CMTM8: variants seen among roughly 807,000 people sequenced by gnomAD.
CMTM8 encodes CKLF like MARVEL transmembrane domain containing 8.
A neutral mutation model predicts 18.6 loss-of-function variants in CMTM8; 12 were observed. The ratio of observed to expected loss-of-function variants is 0.65; its 90% CI spans 0.41 to 1.05. CMTM8 has a LOEUF of 1.05. Ranked by LOEUF, CMTM8 falls within the 50% of genes least tolerant of loss-of-function variation. The probability of loss-of-function intolerance (pLI) is 0.00; values close to 1 mark genes in which losing one functional copy is unlikely to be tolerated. For synonymous variants in CMTM8, 87 were observed against 90.6 expected (o/e 0.96, Z 0.23); for missense variants, 217 against 227.2 (o/e 0.95, Z 0.29).
chr3:32,288,508 A>ATT (rs111768575), intron 1 of CMTM8, among the ~76,000 whole-genome samples: 101,040 of 149,526 alleles, frequency 0.68, 34,392 homozygotes, highest in Middle Eastern at 0.83. Context: ...TACAGCTATC[A>ATT]TTTTTTTTTT....
In CMTM8 at chr3:32,329,841, C is replaced by T. The variant is rs146075127; in HGVS notation, c.148-27532C>T. ...TGTTAACCAATGACATGACCTAGTACGTAGGAAACACTAAAGATTCTACCA... is the reference window on the plus strand; with the variant it reads ...TGTTAACCAATGACATGACCTAGTATGTAGGAAACACTAAAGATTCTACCA... On this transcript the variant is annotated intron_variant, in intron 1 of 3. Coordinates refer to ENST00000307526, the MANE Select transcript of CMTM8 (RefSeq NM_178868.5). 4.7e-4 allele frequency among the ~76,000 whole-genome samples: 72 copies of T among 152,106 alleles called. No individual in the cohort carries two copies. In the East Asian group the frequency reaches 0.013, roughly 27 times the overall value.
chr3:32,240,106 T>G (rs1206720067), intron 1 of CMTM8, among the ~76,000 whole-genome samples: 1 of 152,196 alleles, frequency 6.6e-6, no homozygotes, highest in Non-Finnish European at 1.5e-5. Context: ...AAAATGAGCC[T>G]ATGTGGGAGT....
At chr3:32,336,149 G>A (rs1465749814) in intron 1 of CMTM8, among the ~76,000 whole-genome samples, 1 of 152,210 alleles carries the variant, frequency 6.6e-6, no homozygotes, top group African/African-American at 2.4e-5. Flanking sequence ...AAGAGTAGCT[G>A]TGTGACTTTT....
chr3:32,345,794 A>T (rs1696584919), intron 1 of CMTM8, among the ~76,000 whole-genome samples: 1 of 152,262 alleles, frequency 6.6e-6, no homozygotes, highest in East Asian at 1.9e-4. Context: ...TTCAGGAAAA[A>T]GAAACAGGTG....
At chr3:32,241,616 G>A (rs61068738) in intron 1 of CMTM8, among the ~76,000 whole-genome samples, 18,973 of 152,156 alleles carry the variant, frequency 0.12, 1,389 homozygotes, top group African/African-American at 0.18. Context: ...TAGCTATGAT[G>A]TTTGGTAGGC....
chr3:32,246,781 T>C (rs1283208433), intron 1 of CMTM8, among the ~76,000 whole-genome samples: 1 of 152,212 alleles, frequency 6.6e-6, no homozygotes, highest in Non-Finnish European at 1.5e-5. Context: ...TTAGAATTGA[T>C]AAGAGGGTAT....
chr3:32,272,650 G>A (rs1400335810), intron 1 of CMTM8, among the ~76,000 whole-genome samples: 1 of 152,040 alleles, frequency 6.6e-6, no homozygotes, highest in East Asian at 1.9e-4. Context: ...GATCTACTGT[G>A]TTCTTTATGG....
chr3:32,333,151 T>C (rs1449050852), intron 1 of CMTM8, among the ~76,000 whole-genome samples: 1 of 152,192 alleles, frequency 6.6e-6, no homozygotes, highest in East Asian at 1.9e-4. Flanking sequence ...CATATGCAAA[T>C]GAGTGAGCAT....
intron 1 of CMTM8, among the ~76,000 whole-genome samples, chr3:32,270,668 A>C (rs1286889750): frequency 6.6e-6 from 1 of 152,136 alleles, no homozygotes; most frequent in East Asian, 1.9e-4. Flanking sequence ...GGAATTGAAC[A>C]GTGAGAACAC....
intron 1 of CMTM8, among the ~76,000 whole-genome samples, chr3:32,299,432 A>C (rs1320375560): frequency 6.6e-6 from 1 of 152,200 alleles, no homozygotes; most frequent in Non-Finnish European, 1.5e-5. Context: ...GGAGTCATTG[A>C]TTCAAGAGGA....
At chr3:32,363,756 A>C (rs567813335) in intron 2 of CMTM8, among the ~76,000 whole-genome samples, 6 of 152,156 alleles carry the variant, frequency 3.9e-5, no homozygotes, top group Admixed American at 3.3e-4. Flanking sequence ...TGAAACCTAC[A>C]TGGAGATTCC....
At chr3:32,240,265 G>T (rs1284557896) in intron 1 of CMTM8, among the ~76,000 whole-genome samples, 1 of 152,160 alleles carries the variant, frequency 6.6e-6, no homozygotes, top group African/African-American at 2.4e-5. Flanking sequence ...TGAAGCCCCT[G>T]GTGGTCATAA....
At chr3:32,249,738 T>C (rs1702089330) in intron 1 of CMTM8, among the ~76,000 whole-genome samples, 1 of 152,348 alleles carries the variant, frequency 6.6e-6, no homozygotes, top group Middle Eastern at 3.4e-3. Context: ...AATTTGTCTT[T>C]TATTGTTGAG....
chr3:32,273,142 T>TGTGTGTGTGTGTGTGTGTGG (rs1379214645), intron 1 of CMTM8, among the ~76,000 whole-genome samples: 1 of 151,466 alleles, frequency 6.6e-6, no homozygotes, highest in Non-Finnish European at 1.5e-5. Context: ...TGTGTGTGTG[T>TGTGTGTGTGTGTGTGTGTGG]GTGTGTGTGT....
At chr3:32,281,630 T>C (rs1702612198) in intron 1 of CMTM8, among the ~76,000 whole-genome samples, 1 of 152,162 alleles carries the variant, frequency 6.6e-6, no homozygotes, top group Non-Finnish European at 1.5e-5. Flanking sequence ...ACTTCTTGAA[T>C]GAGTTGTCTT....
At chr3:32,261,195 A>C (rs375359627) in intron 1 of CMTM8, among the ~76,000 whole-genome samples, 7 of 152,126 alleles carry the variant, frequency 4.6e-5, no homozygotes, top group African/African-American at 1.7e-4. Flanking sequence ...AATAAAAACT[A>C]AGAAAACAAA....
At chr3:32,263,349 T>C (rs1194395087) in intron 1 of CMTM8, among the ~76,000 whole-genome samples, 4 of 152,056 alleles carry the variant, frequency 2.6e-5, no homozygotes, top group Non-Finnish European at 5.9e-5. Flanking sequence ...CGGTCTGGAG[T>C]GGACCTCCGG....
intron 2 of CMTM8, among the ~76,000 whole-genome samples, chr3:32,359,889 A>G (rs1028202726): frequency 1.3e-5 from 2 of 152,112 alleles, no homozygotes; most frequent in African/African-American, 4.8e-5. Context: ...GAGTCTTGTG[A>G]CTTTGCACAG....
chr3:32,269,306 A>C (rs1054757678), intron 1 of CMTM8, among the ~76,000 whole-genome samples: 9 of 152,168 alleles, frequency 5.9e-5, no homozygotes, highest in Non-Finnish European at 2.9e-5. Flanking sequence ...GTTTGAAGAG[A>C]TCTGTAACAG....
Sources: gnomAD v4.1 joint callset for allele counts (sites outside exome capture counted in the v4.1 genomes callset) on GRCh38, gnomAD v4.1.1 for gene constraint, MANE v1.5 for transcripts, NCBI Gene and HGNC (gene_info 2026-07-23, HGNC 2026-07-21) for gene names.